ITFG2: variants seen among roughly 807,000 people sequenced by gnomAD.
The protein encoded by ITFG2 is integrin alpha FG-GAP repeat containing 2.
A neutral mutation model predicts 54.4 loss-of-function variants in ITFG2; 36 were observed. The observed-to-expected ratio is 0.66, with a 90% CI of 0.51 to 0.87. The LOEUF (loss-of-function observed/expected upper bound fraction) is 0.87, where lower values mean the gene tolerates loss of function less well. Among genes scored for constraint, ITFG2 ranks in the 40% least tolerant of loss-of-function variants. ITFG2 has a pLI of 0.00. For synonymous variants in ITFG2, 211 were observed against 225.4 expected (o/e 0.94, Z 0.57); for missense variants, 524 against 576.7 (o/e 0.91, Z 0.94).
In ITFG2 at chr12:2,821,687, G is replaced by T. The variant is rs558311018; in HGVS notation, c.848-5G>T. The T allele has an allele frequency of 1.2e-5, 19 of 1,613,948 alleles. No individual in the cohort carries two copies. The South Asian group carries it at 1.5e-4, about 13-fold the overall frequency. ...CCCACACTCAGCCTGCCTCTCCCCC[G>T]GCAGGGACACTGAAGCTCATGGAAG... On this transcript the variant is annotated splice_polypyrimidine_tract_variant and splice_region_variant and intron_variant, in intron 8 of 11. Transcript: ENST00000228799.
Position 2,845,280 on chromosome 12 carries a change from C to T in ITFG2, n.300+4285C>T, listed in dbSNP as rs1453358437. Reference sequence around the variant, plus strand: ...GGACTGTCTGCAGAGGGGATCTTGGCTCGAGTTTGTCATCTCAAGGAGCAG... The same window carrying T: ...GGACTGTCTGCAGAGGGGATCTTGGTTCGAGTTTGTCATCTCAAGGAGCAG... On this transcript the variant is annotated intron_variant and non_coding_transcript_variant, in intron 2 of 3. Transcript: ENST00000537710. This position sits in a 1 kb window ranked among gnomAD's most constrained non-coding sequence, Gnocchi z 4.2. Among the ~76,000 whole-genome samples the T allele has an allele frequency of 6.6e-6, 1 of 152,074 alleles. No individual in the cohort carries two copies. The highest frequency in any genetic ancestry group is 1.5e-5 in the Non-Finnish European group (1 of 68,016).
At chr12:2,854,908 G>T (rs554199888) in intron 2 of ITFG2, 2 of 1,534,572 alleles carry the variant, frequency 1.3e-6, no homozygotes, top group South Asian at 2.4e-5. Context: ...CTTGAAGCTC[G>T]CTGGCGGCTG....
In ITFG2 at chr12:2,843,861, G is replaced by T. The variant is rs929310513; in HGVS notation, n.300+2866G>T. On this transcript the variant is annotated intron_variant and non_coding_transcript_variant, in intron 2 of 3. Transcript: ENST00000537710. ...TCCCTGTACTAGCTGGGTGACCTGG[G>T]GTGAAGTGCTTAATCTTTTGGCATT... Among the ~76,000 whole-genome samples, 22 of 148,622 alleles carry T rather than the reference G, an allele frequency of 1.5e-4. 1 individual carries two copies. The highest frequency in any genetic ancestry group is 2.5e-4 in the Non-Finnish European group (17 of 67,686).
upstream of ITFG2, chr12:2,834,568 T>TG: frequency 6.6e-7 from 1 of 1,512,444 alleles, no homozygotes; most frequent in Non-Finnish European, 8.8e-7. Context: ...TTTCTGGTCC[T>TG]GCCTCCTGCT....
upstream of ITFG2, among the ~76,000 whole-genome samples, chr12:2,832,101 C>A (rs1304198187): frequency 6.6e-6 from 1 of 152,092 alleles, no homozygotes; most frequent in Non-Finnish European, 1.5e-5. Flanking sequence ...ATTTCGAAGC[C>A]TCTTAAAAAT....
At position 2,823,901 on chromosome 12, in the gene ITFG2, A is replaced by G. The variant is rs779286201; in HGVS notation, c.1198A>G (p.Thr400Ala). 1 of 1,613,456 alleles carries G rather than the reference A, an allele frequency of 6.2e-7. No homozygotes were observed. The highest frequency in any genetic ancestry group is 1.3e-5 in the African/African-American group (1 of 74,996). Residue 400 changes from threonine to alanine, a missense_variant, in exon 11 of 12, where the codon ACC (threonine) becomes GCC (alanine). By Grantham distance (58) the Thr-to-Ala change is moderately conservative (BLOSUM62 0). Coordinates refer to ENST00000228799, the MANE Select transcript of ITFG2 (RefSeq NM_018463.4). ...ESTNLVKLLE[T>A]KPEYHSLLQE... ...TACCAATCTGGTGAAACTGCTGGAG[A>G]CCAAGCCGGAGTACCACAGCCTGCT...
intron 2 of ITFG2, among the ~76,000 whole-genome samples, chr12:2,855,892 G>A (rs2098085743): frequency 6.6e-6 from 1 of 152,058 alleles, no homozygotes; most frequent in Non-Finnish European, 1.5e-5. Context: ...GGTATACCAG[G>A]AAAGTCCTCC....
intron 4 of ITFG2, among the ~76,000 whole-genome samples, chr12:2,819,498 G>T (rs1050591129): frequency 3.9e-5 from 6 of 152,018 alleles, no homozygotes; most frequent in African/African-American, 1.4e-4. Context: ...GAGCGTGGTG[G>T]CATATGCCTG....
intron 2 of ITFG2, chr12:2,849,430 C>T: frequency 6.5e-7 from 1 of 1,536,148 alleles, no homozygotes; most frequent in African/African-American, 1.4e-5. Context: ...AGGGTTTGGG[C>T]AGGGCCAGCT....
In ITFG2 at chr12:2,812,688, C is replaced by T; in HGVS notation, c.-73C>T. 7.5e-7 allele frequency: 1 copy of T among 1,339,170 alleles called. No individual in the cohort carries two copies. Among genetic ancestry groups the T allele is most frequent in the Non-Finnish European group, 1.1e-6 (1 of 935,388 alleles). 83.0% of individuals were successfully genotyped at this position (1,339,170 alleles called of 1,614,324 possible). ...TTGCTGCCTTAGGTGGCCTTCCGCT[C>T]TGGCGGCTGTCGCGACGGGGGTTCA... is the stretch of plus-strand genomic sequence containing the variant. On this transcript the variant is annotated 5_prime_UTR_variant, in exon 1 of 12. Transcript: ENST00000228799.
chr12:2,813,009 C>T, intron 1 of ITFG2, 153 bp downstream of exon 1: 3 of 587,104 alleles, frequency 5.1e-6, no homozygotes, highest in Non-Finnish European at 9.1e-6. Context: ...TTGATAGCTT[C>T]AGTGTTCGTG....
At chr12:2,817,712 C>T in intron 2 of ITFG2, 197 bp from the exon 3 acceptor site, 1 of 540,358 alleles carries the variant, frequency 1.9e-6, no homozygotes, top group Non-Finnish European at 3.2e-6. Context: ...CGCCTCAGGT[C>T]TTCATGTTGC....
At position 2,838,504 on chromosome 12, in the gene ITFG2, A is replaced by C. The variant is rs772403308; in HGVS notation, n.146+1548A>C. On this transcript the variant is annotated intron_variant and non_coding_transcript_variant, in intron 1 of 3. Transcript: ENST00000537710. The stretch of plus-strand genomic sequence containing the variant: ...TAAATGTGCCTGGGGCATAGAATGG[A>C]GACTTTGGAGTTTGGAGTTTGGAGT... Among the ~76,000 whole-genome samples the C allele has an allele frequency of 1.1e-4, 16 of 152,210 alleles. No homozygotes were observed. The South Asian group carries it at 1.2e-3, about 12-fold the overall frequency.
chr12:2,820,308 G>C, intron 5 of ITFG2, 83 bp downstream of exon 5: 1 of 1,453,390 alleles, frequency 6.9e-7, no homozygotes, highest in Non-Finnish European at 9.1e-7. Context: ...AGCAGTCATG[G>C]GACAGGGCCA....
chr12:2,830,438 A>AT, intron 2 of ITFG2: 2 of 368,100 alleles, frequency 5.4e-6, no homozygotes, highest in South Asian at 5.6e-5. Flanking sequence ...TGTGTAGAGC[A>AT]CACTGAGGAG....
At chr12:2,855,928 A>G (rs2098085852) in intron 2 of ITFG2, among the ~76,000 whole-genome samples, 1 of 152,032 alleles carries the variant, frequency 6.6e-6, no homozygotes, top group South Asian at 2.1e-4. Flanking sequence ...GGGTTTTCCC[A>G]TCCCAGACTC....
rs747889767 is a variant in ITFG2 at position 2,859,111 on chromosome 12, G to A, written n.621-423G>A. The A allele has an allele frequency of 8.7e-6, 14 of 1,605,768 alleles. No homozygotes were observed. In the African/African-American group the frequency reaches 1.9e-4, roughly 21 times the overall value. On this transcript the variant is annotated intron_variant and non_coding_transcript_variant, in intron 3 of 3. Transcript: ENST00000537710. ...GATTTGCTCGGGGTGGAGGAGATGGGCAGCGTTTCCTTAATGGGTGTCTTA... is the reference window on the plus strand; with the variant it reads ...GATTTGCTCGGGGTGGAGGAGATGGACAGCGTTTCCTTAATGGGTGTCTTA...
chr12:2,819,936 CACAG>C, intron 4 of ITFG2, 146 bp from the exon 5 acceptor site: 1 of 965,058 alleles, frequency 1.0e-6, no homozygotes, highest in East Asian at 2.9e-5. Flanking sequence ...ATGCCGCAAA[CACAG>C]GCAGGGGCGG....
rs1380440517 is a variant in ITFG2 at position 2,824,557 on chromosome 12, T to C, written c.*364T>C. 1 of 305,604 alleles carries C rather than the reference T, an allele frequency of 3.3e-6. No individual in the cohort carries two copies. Among genetic ancestry groups the C allele is most frequent in the African/African-American group, 2.2e-5 (1 of 46,228 alleles). The allele number at this position is 305,604 out of a possible 1,614,324, so 18.9% of individuals were successfully genotyped here. On this transcript the variant is annotated 3_prime_UTR_variant, in exon 12 of 12. Coordinates refer to ENST00000228799, the MANE Select transcript of ITFG2 (RefSeq NM_018463.4). ...CCAACACCCATAAGGAAACCAGGCT[T>C]TAGGCCCAGGGGAGCAGTGGAGGTA...
Sources: gnomAD v4.1 joint callset for allele counts (sites outside exome capture counted in the v4.1 genomes callset) on GRCh38, gnomAD v4.1.1 for gene constraint, Gnocchi (gnomAD v3.1) non-coding constraint, MANE v1.5 for transcripts, NCBI Gene and HGNC (gene_info 2026-07-23, HGNC 2026-07-21) for gene names.